Variants in GNG4 observed in about 807,000 individuals in gnomAD.
The protein encoded by GNG4 is guanine nucleotide-binding protein G(I)/G(S)/G(O) subunit gamma-4.
GNG4 carries 4 observed loss-of-function variants against 5.8 expected under a neutral mutation model. That is an observed-to-expected ratio of 0.69 (90% CI 0.34 to 1.57). The LOEUF is 1.57. Among genes scored for constraint, GNG4 ranks in the 40% most tolerant of loss-of-function variants. GNG4 has a pLI of 0.06. For missense variants in GNG4, 96 were observed against 95.1 expected (o/e 1.01, Z -0.04); for synonymous variants, 29 against 32.9 (o/e 0.88, Z 0.41).
At chr1:235,565,210 G>A (rs1237702241) in intron 3 of GNG4, among the ~76,000 whole-genome samples, 1 of 152,056 alleles carries the variant, frequency 6.6e-6, no homozygotes, top group African/African-American at 2.4e-5. Context: ...TAAAGAAAGA[G>A]GGTGGCAGTT....
At chr1:235,602,961 G>A (rs552388583) in intron 1 of GNG4, among the ~76,000 whole-genome samples, 1 of 152,268 alleles carries the variant, frequency 6.6e-6, no homozygotes, top group South Asian at 2.1e-4. Context: ...CTAAAAGGGA[G>A]GGGAGGGCCG....
At chr1:235,588,221 GT>G (rs1205451912) in intron 2 of GNG4, among the ~76,000 whole-genome samples, 2 of 152,058 alleles carry the variant, frequency 1.3e-5, no homozygotes, top group African/African-American at 2.4e-5. Context: ...TGCTTTCCTT[GT>G]TGTGCGCTGG....
At chr1:235,600,356 C>G (rs146813788) in intron 1 of GNG4, among the ~76,000 whole-genome samples, 2 of 152,112 alleles carry the variant, frequency 1.3e-5, no homozygotes, top group East Asian at 3.9e-4. Context: ...CTCAAGTGAT[C>G]TGCCCACCTT....
chr1:235,574,598 C>T (rs1366239530), intron 3 of GNG4, among the ~76,000 whole-genome samples: 1 of 152,086 alleles, frequency 6.6e-6, no homozygotes, highest in Non-Finnish European at 1.5e-5. Context: ...AAATTATCAA[C>T]GGAATAAAGA....
chr1:235,611,569 C>T (rs1389644483), intron 1 of GNG4, among the ~76,000 whole-genome samples: 1 of 152,116 alleles, frequency 6.6e-6, no homozygotes, highest in African/African-American at 2.4e-5. Flanking sequence ...GACTTAGGGT[C>T]CATAAAGATC....
rs543654683 is a variant in GNG4, at chr1:235,611,828, C to T, written c.-122-16317G>A. 1.6e-4 allele frequency among the ~76,000 whole-genome samples: 25 copies of T among 152,040 alleles called. No homozygotes were observed. The South Asian group carries it at 4.6e-3, about 28-fold the overall frequency. On this transcript the variant is annotated intron_variant, in intron 1 of 3. Coordinates refer to ENST00000391854, the MANE Select transcript of GNG4 (RefSeq NM_001098722.2). ...CCTGTAATCCCAGTCTTTGGGAGGT[C>T]GAGGCGGGAGGATCGCTTGAGTCCA...
At chr1:235,593,061 G>A (rs1688018529) in intron 2 of GNG4, among the ~76,000 whole-genome samples, 1 of 151,314 alleles carries the variant, frequency 6.6e-6, no homozygotes, top group African/African-American at 2.4e-5. Context: ...CAATTCTTCT[G>A]CCTCAGCCTC....
chr1:235,616,076 G>A (rs994024230), intron 1 of GNG4: 1 of 400,662 alleles, frequency 2.5e-6, no homozygotes, highest in Admixed American at 3.0e-5. Context: ...GTTCCCACAT[G>A]ACTTTGTCAT....
intron 1 of GNG4, among the ~76,000 whole-genome samples, chr1:235,611,716 T>A (rs1688477306): frequency 6.6e-6 from 1 of 152,060 alleles, no homozygotes; most frequent in Admixed American, 6.6e-5. Context: ...TACCAACCAT[T>A]GTGGGTCTCA....
chr1:235,554,189 C>T (rs1042330707), intron 3 of GNG4, among the ~76,000 whole-genome samples: 5 of 152,148 alleles, frequency 3.3e-5, no homozygotes, highest in African/African-American at 9.7e-5. Flanking sequence ...AACTCAAAGC[C>T]GGTGGACTTG....
chr1:235,591,583 C>A (rs59630558), intron 2 of GNG4, among the ~76,000 whole-genome samples: 1 of 152,192 alleles, frequency 6.6e-6, no homozygotes, highest in African/African-American at 2.4e-5. Context: ...TCCATGGGGA[C>A]TCAGGTATGC....
At chr1:235,587,420 G>A (rs1381057345) in intron 2 of GNG4, among the ~76,000 whole-genome samples, 2 of 86,546 alleles carry the variant, frequency 2.3e-5, no homozygotes, top group African/African-American at 5.0e-5. Flanking sequence ...AGGGGTGGGG[G>A]TGTGTGTGTG....
intron 2 of GNG4, among the ~76,000 whole-genome samples, chr1:235,587,324 T>A (rs1432753081): frequency 3.0e-5 from 1 of 33,462 alleles, no homozygotes; most frequent in Admixed American, 3.4e-4. Context: ...TGTGTGTGTG[T>A]GAGAGTGTGA....
intron 3 of GNG4, among the ~76,000 whole-genome samples, chr1:235,575,462 A>G (rs1045478176): frequency 6.6e-6 from 1 of 152,140 alleles, no homozygotes; most frequent in Non-Finnish European, 1.5e-5. Context: ...TCCTGCACTC[A>G]TGTTTTCAGT....
chr1:235,626,958 CAAAAAAA>C (rs776506587), intron 1 of GNG4, among the ~76,000 whole-genome samples: 77 of 77,264 alleles, frequency 1.0e-3, no homozygotes, highest in Non-Finnish European at 1.6e-3. Context: ...GACTCTATCT[CAAAAAAA>C]AAAAAAAAAA....
chr1:235,635,167 A>G (rs967656994), intron 1 of GNG4, among the ~76,000 whole-genome samples: 2 of 152,122 alleles, frequency 1.3e-5, no homozygotes, highest in African/African-American at 4.8e-5. Flanking sequence ...GTCCCTTCTA[A>G]AGTCAATCAG....
chr1:235,596,139 A>G (rs1688116131), intron 1 of GNG4, among the ~76,000 whole-genome samples: 1 of 151,430 alleles, frequency 6.6e-6, no homozygotes, highest in Admixed American at 6.6e-5. Flanking sequence ...GCTCCACTGC[A>G]CTCCAGCCTG....
chr1:235,616,377 C>T, intron 1 of GNG4: 1 of 365,934 alleles, frequency 2.7e-6, no homozygotes, highest in Non-Finnish European at 5.3e-6. Context: ...GTGATATATT[C>T]AGGACAGATC....
chr1:235,590,019 T>C (rs1000587092), intron 2 of GNG4, among the ~76,000 whole-genome samples: 2 of 152,180 alleles, frequency 1.3e-5, no homozygotes, highest in Non-Finnish European at 2.9e-5. Flanking sequence ...CACTCACCCC[T>C]CCATCCTGTA....
Sources: allele counts gnomAD v4.1 joint callset (sites outside exome capture counted in the v4.1 genomes callset), GRCh38; gene constraint gnomAD v4.1.1; transcripts MANE v1.5; gene names NCBI Gene and HGNC (gene_info 2026-07-23, HGNC 2026-07-21).